The following BIRC7 variants were observed in gnomAD, a reference collection of about 807,000 sequenced individuals.
BIRC7 encodes baculoviral IAP repeat containing 7, also known as baculoviral IAP repeat-containing protein 7.
A neutral mutation model predicts 33.2 loss-of-function variants in BIRC7; 26 were observed. That is an observed-to-expected ratio of 0.78 (90% confidence interval 0.57 to 1.09). The LOEUF (loss-of-function observed/expected upper bound fraction) is 1.09. Among genes scored for constraint, BIRC7 ranks in the 50% least tolerant of loss-of-function variants. The probability of loss-of-function intolerance (pLI) is 0.00; values close to 1 mark genes in which losing one functional copy is unlikely to be tolerated. For synonymous variants in BIRC7, 176 were observed against 171.0 expected (o/e 1.03, Z -0.23); for missense variants, 409 against 401.2 (o/e 1.02, Z -0.17).
chr20:63,238,118 G>A (rs1245088967), intron 2 of BIRC7, 116 bp downstream of exon 2: 12 of 1,065,820 alleles, frequency 1.1e-5, no homozygotes, highest in African/African-American at 1.6e-5. Context: ...CAGGGCACTG[G>A]GGAGGCCCTT....
intron 2 of BIRC7, 71 bp from the exon 3 acceptor site, chr20:63,238,325 C>T (rs2066705118): frequency 1.3e-5 from 20 of 1,574,530 alleles, no homozygotes; most frequent in African/African-American, 4.1e-5. Flanking sequence ...CCCTGACCCC[C>T]GGGGATCCAA....
Position 63,239,247 on chromosome 20 carries a change from A to C in BIRC7, c.649+14A>C. 6.4e-7 allele frequency: 1 copy of C among 1,550,500 alleles called. No individual in the cohort carries two copies. The highest frequency in any genetic ancestry group is 8.7e-7 in the Non-Finnish European group (1 of 1,152,476). The stretch of plus-strand genomic sequence containing the variant: ...CCCAGGAGCCAGGTGCAGGCCCGGG[A>C]CCCCCTGGGTGAGGGCTGGGGCAGG... On this transcript the variant is annotated intron_variant, in intron 5 of 6. Coordinates refer to ENST00000217169, the MANE Select transcript of BIRC7 (RefSeq NM_139317.3).
chr20:63,238,114 A>C, intron 2 of BIRC7, 112 bp downstream of exon 2: 1 of 1,070,400 alleles, frequency 9.3e-7, no homozygotes, highest in Non-Finnish European at 1.3e-6. Flanking sequence ...CCCACAGGGC[A>C]CTGGGGAGGC....
At chr20:63,236,590 C>T (rs2066690657) in intron 1 of BIRC7, 145 bp downstream of exon 1, 2 of 1,290,692 alleles carry the variant, frequency 1.5e-6, no homozygotes, top group Non-Finnish European at 2.0e-6. Flanking sequence ...CCTGCAAGCC[C>T]CTCCAGTGCC....
intron 2 of BIRC7, 24 bp downstream of exon 2, chr20:63,238,026 C>T (rs2066702540): frequency 6.4e-7 from 1 of 1,561,370 alleles, no homozygotes. Flanking sequence ...CTGCGGGGCC[C>T]CGGGTCTGAT....
chr20:63,236,519 G>A lies in BIRC7; in HGVS notation c.349+74G>A, dbSNP rs1427031674. 2.0e-6 allele frequency: 3 copies of A among 1,468,116 alleles called. No homozygotes were observed. In the East Asian group the frequency reaches 6.9e-5, roughly 34 times the overall value. The allele number at this position is 1,468,116 out of a possible 1,614,324, so 90.9% of individuals were successfully genotyped here. A position where few individuals can be genotyped will look rare whatever the true frequency, so the allele number is the denominator to read the frequency against. On this transcript the variant is annotated intron_variant, in intron 1 of 6. Transcript: ENST00000217169. ...CTGGACCCTTCCAGCCCAGGGCTCT[G>A]CCTCCTCCGTAGCATCCATCCCCCA...
rs573942684 is a variant in BIRC7, at chr20:63,236,458, C to G, written c.349+13C>G. On this transcript the variant is annotated intron_variant, in intron 1 of 6. Coordinates refer to ENST00000217169, the MANE Select transcript of BIRC7 (RefSeq NM_139317.3). ...TTCTTCCACACAGGTCAGTCCCGGGCGGGGGGGCCTTCCTGCCGTGGGCCT... is the reference window on the plus strand; with the variant it reads ...TTCTTCCACACAGGTCAGTCCCGGGGGGGGGGGCCTTCCTGCCGTGGGCCT... 1 of 1,509,472 alleles carries G rather than the reference C, an allele frequency of 6.6e-7. No individual in the cohort carries two copies. Among genetic ancestry groups the G allele is most frequent in the Non-Finnish European group, 8.8e-7 (1 of 1,132,106 alleles). The allele number at this position is 1,509,472 out of a possible 1,614,324, so 93.5% of individuals were successfully genotyped here.
intron 2 of BIRC7, 158 bp downstream of exon 2, chr20:63,238,160 C>T (rs1452347720): frequency 1.1e-6 from 1 of 878,418 alleles, no homozygotes; most frequent in Non-Finnish European, 1.7e-6. Context: ...GGCAGGTACC[C>T]ACTTTTCCTG....
chr20:63,236,499 C>G (rs1056903733), intron 1 of BIRC7, 54 bp downstream of exon 1: 1 of 1,488,892 alleles, frequency 6.7e-7, no homozygotes, highest in African/African-American at 1.4e-5. Flanking sequence ...CGATTCTGGA[C>G]CCTTCCAGCC....
intron 6 of BIRC7, 94 bp from the exon 7 acceptor site, chr20:63,240,162 A>T (rs1418946291): frequency 6.4e-6 from 1 of 155,204 alleles, no homozygotes; most frequent in African/African-American, 2.4e-5. Context: ...GCAGGGGACA[A>T]AGTGGTCGGG....
At chr20:63,238,936 T>C (rs1354337149) in intron 4 of BIRC7, 4 of 633,614 alleles carry the variant, frequency 6.3e-6, no homozygotes, top group African/African-American at 3.7e-5. Context: ...GGGCAGGATG[T>C]GCAGAGGGCA....
In BIRC7 at chr20:63,239,567, G is replaced by A. The variant is rs1230806064; in HGVS notation, c.859G>A (p.Ala287Thr). 1.1e-5 allele frequency: 17 copies of A among 1,601,324 alleles called. No homozygotes were observed. Among genetic ancestry groups the A allele is most frequent in the Non-Finnish European group, 1.4e-5 (16 of 1,179,432 alleles). The change falls in exon 6 of 7, where the codon GCC becomes ACC. Residue 287 changes from alanine (A) to threonine (T), a missense_variant. Ala to Thr is a moderately conservative substitution (Grantham distance 58). Coordinates refer to ENST00000217169, the MANE Select transcript of BIRC7 (RefSeq NM_139317.3). The stretch of plus-strand genomic sequence containing the variant: ...CCTGCAGCTGTGCCCCATCTGCAGA[G>A]CCCCCGTCCGCAGCCGCGTGCGCAC... The part of the protein sequence containing the change: ...PGLQLCPICR[A>T]PVRSRVRTFL...
At position 63,236,263 on chromosome 20, in the gene BIRC7, T is replaced by C. The variant is rs2066687651; in HGVS notation, c.167T>C (p.Leu56Pro). 1 of 1,608,066 alleles carries C rather than the reference T, an allele frequency of 6.2e-7. No individual in the cohort carries two copies. The highest frequency in any genetic ancestry group is 1.1e-5 in the South Asian group (1 of 90,350). ...RAWDHVDGQI[L>P]GQLRPLTEEE... ...TGGGACCACGTGGATGGGCAGATCC[T>C]GGGCCAGCTGCGGCCCCTGACAGAG... The change falls in exon 1 of 7, where the codon CTG becomes CCG. Residue 56 changes from leucine (L) to proline (P), a missense_variant. By Grantham distance (98) the Leu-to-Pro change is moderately conservative (BLOSUM62 -3). Coordinates refer to ENST00000217169, the MANE Select transcript of BIRC7 (RefSeq NM_139317.3).
At position 63,240,480 on chromosome 20, in the gene BIRC7, G is replaced by A. The variant is rs2066730311; in HGVS notation, c.*230G>A. 1 of 152,234 alleles carries A rather than the reference G, an allele frequency of 6.6e-6. No homozygotes were observed. The highest frequency in any genetic ancestry group is 1.5e-5 in the Non-Finnish European group (1 of 68,084). 9.4% of individuals were successfully genotyped at this position (152,234 alleles called of 1,614,324 possible). On this transcript the variant is annotated 3_prime_UTR_variant, in exon 7 of 7. Transcript: ENST00000217169. Reference sequence around the variant, plus strand: ...ATGCTTCTGAATAGAAATAAAGTGGGTTTTCCCTGGAGGTACCCAGCAGCC... The same window carrying A: ...ATGCTTCTGAATAGAAATAAAGTGGATTTTCCCTGGAGGTACCCAGCAGCC...
rs770943952 is a variant in BIRC7, at chr20:63,236,443, C to T, written c.347C>T (p.Thr116Ile). 1 of 1,527,226 alleles carries T rather than the reference C, an allele frequency of 6.5e-7. No homozygotes were observed. The highest frequency in any genetic ancestry group is 2.0e-5 in the Admixed American group (1 of 50,478). The allele number at this position is 1,527,226 out of a possible 1,614,324, so 94.6% of individuals were successfully genotyped here. ...CTGGCTGCTGCCGGCTTCTTCCACA[C>T]AGGTCAGTCCCGGGCGGGGGGGCCT... is the stretch of plus-strand genomic sequence containing the variant. ...ELLAAAGFFHTGHQDKVRCFF... is the reference protein window; with the variant it reads ...ELLAAAGFFHIGHQDKVRCFF... Residue 116 changes from threonine to isoleucine, a missense_variant and splice_region_variant, in exon 1 of 7, where the codon ACA (threonine) becomes ATA (isoleucine). Transcript: ENST00000217169.
At chr20:63,237,736 A>C (rs958153123) in intron 1 of BIRC7, among the ~76,000 whole-genome samples, 167 bp from the exon 2 acceptor site, 7 of 151,982 alleles carry the variant, frequency 4.6e-5, no homozygotes, top group Admixed American at 3.3e-4. Context: ...TTTGATGCTA[A>C]TGAGGTACAA....
At position 63,238,465 on chromosome 20, in the gene BIRC7, G is replaced by A. The variant is rs2066706293; in HGVS notation, c.519G>A (p.Leu173=). The A allele has an allele frequency of 1.2e-6, 2 of 1,612,772 alleles. No homozygotes were observed. Among genetic ancestry groups the A allele is most frequent in the Admixed American group, 1.7e-5 (1 of 59,986 alleles). ...GTGTGCAGGAGACTCACTCCCAGCT[G>A]CTGGGCTCCTGGGTGAGCGCCACCT... ...VHSVQETHSQ[L]LGSWDPWEEP... is the part of the protein sequence containing the mutation. The change falls in exon 3 of 7, where the codon CTG becomes CTA. Residue 173 remains leucine, a synonymous_variant. Coordinates refer to ENST00000217169, the MANE Select transcript of BIRC7 (RefSeq NM_139317.3).
rs542383301 is a variant in BIRC7 at position 63,236,490 on chromosome 20, G to A, written c.349+45G>A. 5.3e-6 allele frequency: 8 copies of A among 1,496,640 alleles called. No individual in the cohort carries two copies. In the Admixed American group the frequency reaches 1.3e-4, roughly 25 times the overall value. The allele number at this position is 1,496,640 out of a possible 1,614,324, so 92.7% of individuals were successfully genotyped here. A position where few individuals can be genotyped will look rare whatever the true frequency, so the allele number is the denominator to read the frequency against. ...GCCTTCCTGCCGTGGGCCTGGGCAC[G>A]ATTCTGGACCCTTCCAGCCCAGGGC... On this transcript the variant is annotated intron_variant, in intron 1 of 6. Coordinates refer to ENST00000217169, the MANE Select transcript of BIRC7 (RefSeq NM_139317.3).
Position 63,236,211 on chromosome 20 carries a change from G to C in BIRC7, c.115G>C (p.Val39Leu). Residue 39 changes from valine to leucine, a missense_variant, in exon 1 of 7, where the codon GTC (valine) becomes CTC (leucine). By Grantham distance (32) the Val-to-Leu change is conservative (BLOSUM62 1). Coordinates refer to ENST00000217169, the MANE Select transcript of BIRC7 (RefSeq NM_139317.3). ...TGGACCCCGCTCTCTGGGCAGCCCT[G>C]TCCTAGGCCTGGACACCTGCAGAGC... The part of the protein sequence containing the change: ...RCGPRSLGSP[V>L]LGLDTCRAWD... The C allele has an allele frequency of 6.3e-7, 1 of 1,589,820 alleles. No individual in the cohort carries two copies. Among genetic ancestry groups the C allele is most frequent in the South Asian group, 1.1e-5 (1 of 88,488 alleles).
Sources: gnomAD v4.1 joint callset for allele counts (sites outside exome capture counted in the v4.1 genomes callset) on GRCh38, gnomAD v4.1.1 for gene constraint, MANE v1.5 for transcripts, NCBI Gene and HGNC (gene_info 2026-07-23, HGNC 2026-07-21) for gene names.